Variants in PITRM1 observed in about 807,000 individuals in gnomAD.
The protein encoded by PITRM1 is pitrilysin metallopeptidase 1.
In PITRM1, 100 loss-of-function variants were observed where a neutral mutation model predicts 129.9. That is an observed-to-expected ratio of 0.77 (90% CI 0.65 to 0.91). PITRM1 has a LOEUF of 0.91. Ranked by LOEUF, PITRM1 falls within the 40% of genes least tolerant of loss-of-function variation. The pLI is 0.00. For synonymous variants in PITRM1, 591 were observed against 508.8 expected (o/e 1.16, Z -2.17); for missense variants, 1,471 against 1,318.3 (o/e 1.12, Z -1.79).
intron 3 of PITRM1, among the ~76,000 whole-genome samples, chr10:3,166,670 A>T (rs745856046): frequency 1.3e-5 from 2 of 152,226 alleles, no homozygotes; most frequent in Non-Finnish European, 2.9e-5. Flanking sequence ...GTTTTAAATC[A>T]AGCTTGTCCA....
chr10:3,147,581 C>T lies in PITRM1; in HGVS notation c.2226G>A (p.Gly742=), dbSNP rs1379534583. The T allele has an allele frequency of 6.2e-7, 1 of 1,613,916 alleles. No homozygotes were observed. The highest frequency in any genetic ancestry group is 1.3e-5 in the African/African-American group (1 of 74,946). ...PAGDLQETFS[G]MDQVRLMKRI... is the part of the protein sequence containing the mutation. ...CTTCCAAGCTTCCCACCTGATCCATCCCGCTGAAGGTCTCCTGCAGGTCCC... is the reference window on the plus strand; with the variant it reads ...CTTCCAAGCTTCCCACCTGATCCATTCCGCTGAAGGTCTCCTGCAGGTCCC... The change falls in exon 19 of 27, where the codon GGG becomes GGA. Residue 742 remains glycine, a synonymous_variant. Transcript: ENST00000224949.
rs374837337 is a variant in PITRM1, at chr10:3,143,513, G to C, written c.2533-12C>G. On this transcript the variant is annotated splice_polypyrimidine_tract_variant and intron_variant, in intron 22 of 26. Transcript: ENST00000224949. The stretch of plus-strand genomic sequence containing the variant: ...TTGAAGGTGGGTTCCTGAGGGACAC[G>C]GTATGGTCAGAGGCGGCTGTGCTGC... 2.5e-6 allele frequency: 4 copies of C among 1,571,206 alleles called. No homozygotes were observed. The highest frequency in any genetic ancestry group is 3.5e-6 in the Non-Finnish European group (4 of 1,140,976).
rs73577175 is a variant in PITRM1 at position 3,139,987 on chromosome 10, G to A, written c.2771+700C>T. On this transcript the variant is annotated intron_variant, in intron 24 of 26. Transcript: ENST00000224949. ...CTGAAATGAGCTAAGAACGCTCTCAGGCTGTATCAGCCCCCTCACCTGGGG... is the reference window on the plus strand; with the variant it reads ...CTGAAATGAGCTAAGAACGCTCTCAAGCTGTATCAGCCCCCTCACCTGGGG... Among the ~76,000 whole-genome samples the A allele has an allele frequency of 8.3e-3, 1,264 of 152,320 alleles. 13 individuals carry two copies. Among genetic ancestry groups the A allele is most frequent in the African/African-American group, 0.029 (1,194 of 41,568 alleles).
At chr10:3,171,338 T>TAAAAAAA (rs71383153) in intron 1 of PITRM1, among the ~76,000 whole-genome samples, 1 of 142,470 alleles carries the variant, frequency 7.0e-6, no homozygotes, top group African/African-American at 2.6e-5. Context: ...GGTAAAATAT[T>TAAAAAAA]AAAAAAAAAA....
intron 7 of PITRM1, 37 bp from the exon 8 acceptor site, chr10:3,160,367 T>C: frequency 1.3e-6 from 2 of 1,549,114 alleles, no homozygotes; most frequent in Admixed American, 1.7e-5. Flanking sequence ...TCTGTTTTAG[T>C]TTAAAAGATG....
intron 25 of PITRM1, 50 bp downstream of exon 25, chr10:3,138,854 G>A (rs776518801): frequency 2.6e-5 from 42 of 1,588,568 alleles, no homozygotes; most frequent in South Asian, 1.3e-4. Flanking sequence ...AAACAGCAAC[G>A]TCATCTGTGA....
chr10:3,144,006 AC>A, intron 22 of PITRM1: 1 of 558,212 alleles, frequency 1.8e-6, no homozygotes, highest in East Asian at 3.2e-5. Flanking sequence ...CCGGGAGGAG[AC>A]CACCCAGAGC....
chr10:3,147,833 A>T, intron 18 of PITRM1, 96 bp from the exon 19 acceptor site: 2 of 1,279,998 alleles, frequency 1.6e-6, no homozygotes, highest in Non-Finnish European at 2.2e-6. Flanking sequence ...GTACTTTAAC[A>T]ACCAAAGAAA....
At chr10:3,143,752 C>A (rs1307785594) in intron 22 of PITRM1, 1 of 690,564 alleles carries the variant, frequency 1.4e-6, no homozygotes, top group African/African-American at 1.8e-5. Flanking sequence ...GTCCTCCAAT[C>A]TTGACGTGAT....
chr10:3,159,766 G>T, intron 9 of PITRM1, 82 bp downstream of exon 9: 1 of 777,554 alleles, frequency 1.3e-6, no homozygotes, highest in South Asian at 1.6e-5. Flanking sequence ...ACATTCAATT[G>T]TAGAACTCAC....
chr10:3,169,979 G>A, intron 2 of PITRM1, 125 bp downstream of exon 2: 1 of 629,518 alleles, frequency 1.6e-6, no homozygotes. Flanking sequence ...GCAGGAGCTG[G>A]GCCAGGGCCT....
At chr10:3,169,655 A>AG (rs1243419684) in intron 2 of PITRM1, among the ~76,000 whole-genome samples, 1 of 152,268 alleles carries the variant, frequency 6.6e-6, no homozygotes, top group Non-Finnish European at 1.5e-5. Context: ...GACCCAAGTA[A>AG]GTACAGGTCC....
chr10:3,138,927 G>C lies in PITRM1; in HGVS notation c.2894C>G (p.Ala965Gly). ...ACCTTTGTCTGAAGGAGCGACAGGA[G>C]CATCTACGGTTGAGAAGACAGAAAG... ...AKLSVFSTVD[A>G]PVAPSDKGMD... Residue 965 changes from alanine (A) to glycine (G), a missense_variant, in exon 25 of 27, where the codon GCT (alanine) becomes GGT (glycine). By Grantham distance (60) the Ala-to-Gly change is moderately conservative (BLOSUM62 0). Coordinates refer to ENST00000224949, the MANE Select transcript of PITRM1 (RefSeq NM_014889.4). The C allele has an allele frequency of 6.2e-7, 1 of 1,613,974 alleles. No individual in the cohort carries two copies. The highest frequency in any genetic ancestry group is 8.5e-7 in the Non-Finnish European group (1 of 1,179,830).
At chr10:3,148,755 C>A (rs1295165063) in intron 16 of PITRM1, 1 of 155,834 alleles carries the variant, frequency 6.4e-6, no homozygotes, top group African/African-American at 2.4e-5. Context: ...AGTTTCCTCT[C>A]AGCACTCATG....
At chr10:3,142,245 G>T (rs1840307756) in intron 23 of PITRM1, among the ~76,000 whole-genome samples, 1 of 152,228 alleles carries the variant, frequency 6.6e-6, no homozygotes, top group Non-Finnish European at 1.5e-5. Flanking sequence ...TCTACAGCCA[G>T]CTCTTTCTGG....
rs779152302 is a variant in PITRM1 at position 3,138,967 on chromosome 10, T to C, written c.2854A>G (p.Ile952Val). The C allele has an allele frequency of 3.1e-6, 5 of 1,613,796 alleles. No homozygotes were observed. Among genetic ancestry groups the C allele is most frequent in the East Asian group, 2.2e-5 (1 of 44,896 alleles). Residue 952 changes from isoleucine (I) to valine (V), a missense_variant, in exon 25 of 27, where the codon ATC (isoleucine) becomes GTC (valine). Physicochemically the swap from Ile to Val is conservative, Grantham distance 29. Transcript: ENST00000224949. ...AKSGKFTQQDIDEAKLSVFST... is the reference protein window; with the variant it reads ...AKSGKFTQQDVDEAKLSVFST... ...AAGACAGAAAGTTTGGCTTCGTCGA[T>C]GTCTTGCTGTGTGAATTTTCCAGAC...
At chr10:3,142,616 G>A (rs565553257) in intron 23 of PITRM1, among the ~76,000 whole-genome samples, 17 of 152,356 alleles carry the variant, frequency 1.1e-4, no homozygotes, top group Non-Finnish European at 1.8e-4. Context: ...GCCAGAGTTC[G>A]GAAGAAGGGG....
chr10:3,143,643 C>T (rs1840507991), intron 22 of PITRM1, 142 bp from the exon 23 acceptor site: 1 of 719,724 alleles, frequency 1.4e-6, no homozygotes, highest in African/African-American at 1.7e-5. Context: ...CTCAGGGGTC[C>T]CATCTCCGTG....
intron 6 of PITRM1, among the ~76,000 whole-genome samples, chr10:3,164,836 C>G (rs185402967): frequency 1.3e-5 from 2 of 152,140 alleles, no homozygotes; most frequent in Non-Finnish European, 2.9e-5. Context: ...ATCTCTGTAG[C>G]GTCTGGCTCA....
Sources: allele counts gnomAD v4.1 joint callset (sites outside exome capture counted in the v4.1 genomes callset), GRCh38; gene constraint gnomAD v4.1.1; transcripts MANE v1.5; gene names NCBI Gene and HGNC (gene_info 2026-07-23, HGNC 2026-07-21).